The following CTNNA3 variants were observed in gnomAD, a reference collection of about 807,000 sequenced individuals.
The protein encoded by CTNNA3 is catenin alpha-3.
In CTNNA3, 76 loss-of-function variants were observed where a neutral mutation model predicts 95.7. That is an observed-to-expected ratio of 0.79 (90% CI 0.66 to 0.96). The LOEUF (loss-of-function observed/expected upper bound fraction) is 0.96, where lower values mean the gene tolerates loss of function less well. CTNNA3 is among the 40% of genes least tolerant of loss of function. CTNNA3 has a pLI of 0.00. For missense variants in CTNNA3, 1,191 were observed against 1,089.8 expected (o/e 1.09, Z -1.31); for synonymous variants, 431 against 374.4 (o/e 1.15, Z -1.74).
chr10:67,043,135 CTTTT>C (rs34946963), intron 7 of CTNNA3, among the ~76,000 whole-genome samples: 1 of 103,754 alleles, frequency 9.6e-6, no homozygotes. Context: ...CACTTTCTTT[CTTTT>C]TTTTTTTTTT....
intron 7 of CTNNA3, among the ~76,000 whole-genome samples, chr10:67,081,947 T>C (rs982027736): frequency 1.3e-5 from 2 of 152,176 alleles, no homozygotes; most frequent in African/African-American, 4.8e-5. Context: ...TAGAGCTCCT[T>C]GAAAACAGTA....
intron 12 of CTNNA3, among the ~76,000 whole-genome samples, chr10:66,318,969 C>T (rs1365008667): frequency 1.1e-4 from 16 of 151,848 alleles, no homozygotes; most frequent in East Asian, 7.7e-4. Context: ...CACTCGTTCA[C>T]GCATTGCAAG....
intron 7 of CTNNA3, among the ~76,000 whole-genome samples, chr10:66,786,503 T>A (rs572703488): frequency 6.6e-6 from 1 of 152,156 alleles, no homozygotes; most frequent in African/African-American, 2.4e-5. Context: ...GAAATCAAGG[T>A]ATAAGTTTTG....
intron 17 of CTNNA3, among the ~76,000 whole-genome samples, chr10:65,933,076 T>TTTGTCTTA (rs2077279975): frequency 6.6e-6 from 1 of 152,146 alleles, no homozygotes; most frequent in Non-Finnish European, 1.5e-5. Context: ...TTAGATTCCC[T>TTTGTCTTA]GGGTTTTGTC....
intron 11 of CTNNA3, among the ~76,000 whole-genome samples, chr10:66,445,908 A>G (rs1039822308): frequency 6.6e-6 from 1 of 152,190 alleles, no homozygotes; most frequent in Non-Finnish European, 1.5e-5. Context: ...AAAGATCAAC[A>G]AAATTGATAG....
chr10:66,360,727 T>C (rs187849306), intron 12 of CTNNA3, among the ~76,000 whole-genome samples: 1,336 of 17,576 alleles, frequency 0.076, 95 homozygotes, highest in African/African-American at 0.13. Flanking sequence ...TTTCTTCCTT[T>C]CTTTCTTTCT....
chr10:66,088,284 A>G (rs551625233), intron 14 of CTNNA3, among the ~76,000 whole-genome samples: 161 of 152,198 alleles, frequency 1.1e-3, no homozygotes, highest in African/African-American at 3.8e-3. Context: ...ATTATTTTAC[A>G]AATTATATTG....
At chr10:66,468,980 T>A (rs1187576896) in intron 11 of CTNNA3, among the ~76,000 whole-genome samples, 4 of 151,826 alleles carry the variant, frequency 2.6e-5, no homozygotes, top group African/African-American at 9.7e-5. Flanking sequence ...CATAAAACTT[T>A]AAAAAATAAA....
intron 12 of CTNNA3, among the ~76,000 whole-genome samples, chr10:66,326,027 T>C (rs1346547054): frequency 2.0e-5 from 3 of 152,158 alleles, no homozygotes; most frequent in African/African-American, 7.2e-5. Context: ...TTTAACGTAA[T>C]TGATGCAAAC....
At chr10:67,089,507 C>A (rs1331269742) in intron 7 of CTNNA3, among the ~76,000 whole-genome samples, 3 of 151,850 alleles carry the variant, frequency 2.0e-5, no homozygotes, top group Non-Finnish European at 4.4e-5. Flanking sequence ...ACAAATAAAT[C>A]AGTTTCAAAG....
At chr10:65,956,340 C>G (rs1203699051) in intron 17 of CTNNA3, among the ~76,000 whole-genome samples, 1 of 152,180 alleles carries the variant, frequency 6.6e-6, no homozygotes, top group Non-Finnish European at 1.5e-5. Flanking sequence ...AAAAAACCAG[C>G]TCCTGGATTC....
intron 16 of CTNNA3, among the ~76,000 whole-genome samples, chr10:65,974,179 T>G (rs1217661450): frequency 2.6e-5 from 4 of 152,212 alleles, no homozygotes; most frequent in Admixed American, 1.3e-4. Flanking sequence ...GAAGGCAGTT[T>G]GGAGATTTCT....
At chr10:67,672,636 T>C (rs1305083465) in intron 1 of CTNNA3, among the ~76,000 whole-genome samples, 1 of 152,178 alleles carries the variant, frequency 6.6e-6, no homozygotes, top group African/African-American at 2.4e-5. Flanking sequence ...CCATTGCTTG[T>C]TTCTCTCAGG....
intron 7 of CTNNA3, among the ~76,000 whole-genome samples, chr10:67,120,910 A>G (rs1283185392): frequency 6.6e-6 from 1 of 152,088 alleles, no homozygotes; most frequent in Non-Finnish European, 1.5e-5. Flanking sequence ...ACGTATAAAT[A>G]AAGCATGCCC....
At chr10:66,452,615 A>C (rs1438463779) in intron 11 of CTNNA3, among the ~76,000 whole-genome samples, 1 of 152,148 alleles carries the variant, frequency 6.6e-6, no homozygotes, top group Non-Finnish European at 1.5e-5. Context: ...AAGTAGCCAC[A>C]AGATTAGAAA....
chr10:67,749,090 GAGA>G (rs1466355832), intron 1 of CTNNA3, among the ~76,000 whole-genome samples: 1 of 152,108 alleles, frequency 6.6e-6, no homozygotes, highest in Non-Finnish European at 1.5e-5. Flanking sequence ...TTAATTCAGT[GAGA>G]AGAACTAACA....
chr10:66,791,350 A>G (rs970488379), intron 7 of CTNNA3, among the ~76,000 whole-genome samples: 31 of 152,156 alleles, frequency 2.0e-4, no homozygotes, highest in African/African-American at 7.5e-4. Flanking sequence ...TCCAACCATT[A>G]TGGCTTTCCA....
At chr10:67,692,116 T>G (rs1589570529) in intron 1 of CTNNA3, among the ~76,000 whole-genome samples, 2 of 127,434 alleles carry the variant, frequency 1.6e-5, no homozygotes, top group East Asian at 2.4e-4. Flanking sequence ...GGGAGGGAGG[T>G]GGGGGGTCAG....
At chr10:67,463,409 C>A (rs1000616530) in intron 5 of CTNNA3, among the ~76,000 whole-genome samples, 1 of 152,210 alleles carries the variant, frequency 6.6e-6, no homozygotes, top group East Asian at 1.9e-4. Context: ...ACCCTACACC[C>A]AAAGACCATC....
Sources: gnomAD v4.1 joint callset for allele counts (sites outside exome capture counted in the v4.1 genomes callset) on GRCh38, gnomAD v4.1.1 for gene constraint, MANE v1.5 for transcripts, NCBI Gene and HGNC (gene_info 2026-07-23, HGNC 2026-07-21) for gene names.